The following BTN3A2 variants were observed in gnomAD, a reference collection of about 807,000 sequenced individuals.
The protein encoded by BTN3A2 is butyrophilin subfamily 3 member A2, also known as butyrophilin protein.
Under a neutral mutation model 37.6 loss-of-function variants are expected in BTN3A2, and 25 were observed. That is an observed-to-expected ratio of 0.66 (90% CI 0.48 to 0.93). The LOEUF (loss-of-function observed/expected upper bound fraction) is 0.93, where lower values mean the gene tolerates loss of function less well. BTN3A2 is among the 40% of genes least tolerant of loss of function. BTN3A2 has a pLI of 0.00. For synonymous variants in BTN3A2, 122 were observed against 159.4 expected (o/e 0.77, Z 1.77); for missense variants, 266 against 410.9 (o/e 0.65, Z 3.05).
Position 26,372,972 on chromosome 6 carries a change from C to G in BTN3A2, c.791C>G (p.Ala264Gly). Reference protein sequence around the residue: ...GTLPILLLLLAGASYFLWRQQ... With the variant: ...GTLPILLLLLGGASYFLWRQQ... ...CTGCCTATCTTGCTGCTGCTTCTCG[C>G]CGGAGCCAGTTACTTCTTGTGGAGA... The change falls in exon 6 of 11, where the codon GCC becomes GGC. Residue 264 changes from alanine (A) to glycine (G), a missense_variant. This residue lies in a region of BTN3A2 where 204 missense variants were observed against 232.6 expected (regional missense o/e 0.88). Transcript: ENST00000377708. 1.2e-6 allele frequency: 2 copies of G among 1,614,220 alleles called. No individual in the cohort carries two copies. The highest frequency in any genetic ancestry group is 1.7e-6 in the Non-Finnish European group (2 of 1,180,048).
chr6:26,375,527 G>T, intron 10 of BTN3A2: 1 of 1,068,352 alleles, frequency 9.4e-7, no homozygotes, highest in South Asian at 1.5e-5. Context: ...CCTCCCATTG[G>T]CCAAACACAG....
chr6:26,374,931 A>G (rs2073529), intron 10 of BTN3A2, 133 bp downstream of exon 10: 84,902 of 915,678 alleles, frequency 0.093, 4,543 homozygotes, highest in Non-Finnish European at 0.11. Flanking sequence ...AGGAAGACGC[A>G]TAAAGGGTGG....
chr6:26,373,154 C>G (rs1469994956), intron 6 of BTN3A2, 57 bp downstream of exon 6: 14 of 1,605,278 alleles, frequency 8.7e-6, no homozygotes, highest in Non-Finnish European at 9.3e-6. Context: ...AGCCTGAAAA[C>G]CTCACCTCTC....
At chr6:26,369,889 CT>C (rs888153917) in intron 4 of BTN3A2, among the ~76,000 whole-genome samples, 6 of 152,022 alleles carry the variant, frequency 3.9e-5, no homozygotes, top group African/African-American at 1.2e-4. Flanking sequence ...CCTGTGGCTG[CT>C]GGTTAGGTTT....
At chr6:26,372,251 T>C (rs930049224) in intron 5 of BTN3A2, among the ~76,000 whole-genome samples, 6 of 152,206 alleles carry the variant, frequency 3.9e-5, no homozygotes, top group African/African-American at 1.4e-4. Flanking sequence ...AGTTCTCAAT[T>C]GGGTTAGTTT....
At chr6:26,373,494 G>A in intron 8 of BTN3A2, 81 bp downstream of exon 8, 1 of 1,503,668 alleles carries the variant, frequency 6.7e-7, no homozygotes, top group Non-Finnish European at 8.9e-7. Flanking sequence ...ATAAGTCATA[G>A]CCCAGGGTTG....
intron 1 of BTN3A2, among the ~76,000 whole-genome samples, chr6:26,366,249 G>A (rs1480768947): frequency 6.6e-6 from 1 of 152,044 alleles, no homozygotes; most frequent in Non-Finnish European, 1.5e-5. Context: ...TCTACATTTT[G>A]TTACTGTAGA....
intron 1 of BTN3A2, among the ~76,000 whole-genome samples, chr6:26,366,613 A>G (rs1460884029): frequency 2.0e-5 from 3 of 152,232 alleles, no homozygotes; most frequent in African/African-American, 7.2e-5. Flanking sequence ...AGGAGAATAA[A>G]GAGCAGTTTC....
chr6:26,368,443 C>G (rs1759746780), intron 3 of BTN3A2, 122 bp from the exon 4 acceptor site: 1 of 1,524,330 alleles, frequency 6.6e-7, no homozygotes, highest in East Asian at 2.4e-5. Context: ...AATGGTCCTT[C>G]TGTTAGGATT....
At chr6:26,365,778 G>GA (rs997768865) in intron 1 of BTN3A2, among the ~76,000 whole-genome samples, 1 of 151,948 alleles carries the variant, frequency 6.6e-6, no homozygotes, top group Non-Finnish European at 1.5e-5. Context: ...AGAAGAAGAA[G>GA]AAAAAAGAGA....
Position 26,377,026 on chromosome 6 carries a change from C to A in BTN3A2, c.*1264C>A. The A allele has an allele frequency of 7.2e-7, 1 of 1,388,668 alleles. No homozygotes were observed. Among genetic ancestry groups the A allele is most frequent in the Non-Finnish European group, 1.0e-6 (1 of 978,810 alleles). 86.0% of individuals were successfully genotyped at this position (1,388,668 alleles called of 1,614,324 possible). ...ATCTACACATTTCTGCACGCCTCTT[C>A]CTCTGAGCCTCTGTATCCTGTATTC... On this transcript the variant is annotated 3_prime_UTR_variant, in exon 11 of 11. Transcript: ENST00000377708.
chr6:26,373,237 C>CTTTTTTTTT lies in BTN3A2; in HGVS notation c.917-22_917-14dup, dbSNP rs750198408. On this transcript the variant is annotated intron_variant, in intron 6 of 10. Transcript: ENST00000377708. ...ACCAACCTCACCCATAACAGTTCAT[C>CTTTTTTTTT]TTTTTTTTTTTTTTTTTTTTTTTTT... 1.2e-4 allele frequency: 160 copies of CTTTTTTTTT among 1,352,388 alleles called. 3 individuals are homozygous for CTTTTTTTTT. The highest frequency in any genetic ancestry group is 2.1e-4 in the Middle Eastern group (1 of 4,796). 83.8% of individuals were successfully genotyped at this position (1,352,388 alleles called of 1,614,324 possible). A position where few individuals can be genotyped will look rare whatever the true frequency, so the allele number is the denominator to read the frequency against.
At chr6:26,371,186 C>A (rs1192580078) in intron 5 of BTN3A2, among the ~76,000 whole-genome samples, 1 of 152,080 alleles carries the variant, frequency 6.6e-6, no homozygotes, top group East Asian at 1.9e-4. Context: ...CACTTGAACC[C>A]AGGAGGCAGA....
chr6:26,374,014 T>G, intron 8 of BTN3A2: 1 of 310,994 alleles, frequency 3.2e-6, no homozygotes. Context: ...GGCATACACA[T>G]ATAGACATGG....
chr6:26,368,509 C>A, intron 3 of BTN3A2, 56 bp from the exon 4 acceptor site: 1 of 1,613,788 alleles, frequency 6.2e-7, no homozygotes, highest in Non-Finnish European at 8.5e-7. Context: ...AGGACCCTTC[C>A]TCTCATGACC....
chr6:26,369,980 T>A (rs1759935177), intron 4 of BTN3A2, among the ~76,000 whole-genome samples: 1 of 152,182 alleles, frequency 6.6e-6, no homozygotes, highest in African/African-American at 2.4e-5. Context: ...CTGGCTTCCT[T>A]ACTGCAAGTT....
At chr6:26,374,688 G>T (rs1760533730) in intron 9 of BTN3A2, 83 bp from the exon 10 acceptor site, 4 of 1,383,406 alleles carry the variant, frequency 2.9e-6, no homozygotes, top group Non-Finnish European at 4.0e-6. Flanking sequence ...GAAAAGGAGA[G>T]AAAACATGTA....
Position 26,377,454 on chromosome 6 carries a change from G to A in BTN3A2, c.*1692G>A. On this transcript the variant is annotated 3_prime_UTR_variant, in exon 11 of 11. Transcript: ENST00000377708. ...ATAGTGAACAACAGAGCTGGGATCTGAACAACAATGACTAACATTAATGGA... is the reference window on the plus strand; with the variant it reads ...ATAGTGAACAACAGAGCTGGGATCTAAACAACAATGACTAACATTAATGGA... The A allele has an allele frequency of 2.3e-6, 1 of 427,254 alleles. No homozygotes were observed. Among genetic ancestry groups the A allele is most frequent in the South Asian group, 2.2e-5 (1 of 44,742 alleles). The allele number at this position is 427,254 out of a possible 1,614,324, so 26.5% of individuals were successfully genotyped here. A position where few individuals can be genotyped will look rare whatever the true frequency, so the allele number is the denominator to read the frequency against.
chr6:26,377,112 TC>T lies in BTN3A2; in HGVS notation c.*1355del. ...TTGCCCAATACCAAAAGTAGAGAGT[TC>T]CCCCGATCCCGACCTAGTGCCTGAT... is the stretch of plus-strand genomic sequence containing the variant. On this transcript the variant is annotated 3_prime_UTR_variant, in exon 11 of 11. Coordinates refer to ENST00000377708, the MANE Select transcript of BTN3A2 (RefSeq NM_007047.5). 1.5e-6 allele frequency: 2 copies of T among 1,319,822 alleles called. No individual in the cohort carries two copies. The highest frequency in any genetic ancestry group is 1.4e-5 in the African/African-American group (1 of 69,414). 81.8% of individuals were successfully genotyped at this position (1,319,822 alleles called of 1,614,324 possible). A position where few individuals can be genotyped will look rare whatever the true frequency, so the allele number is the denominator to read the frequency against.
Sources: allele counts gnomAD v4.1 joint callset (sites outside exome capture counted in the v4.1 genomes callset), GRCh38; gene constraint gnomAD v4.1.1; regional missense constraint gnomAD v4.1.1; transcripts MANE v1.5; gene names NCBI Gene and HGNC (gene_info 2026-07-23, HGNC 2026-07-21).